MRPL48: variants seen among roughly 807,000 people sequenced by gnomAD.
MRPL48 encodes mitochondrial ribosomal protein L48, also known as large ribosomal subunit protein mL48.
In MRPL48, 16 loss-of-function variants were observed where a neutral mutation model predicts 32.9. That is an observed-to-expected ratio of 0.49 (90% CI 0.33 to 0.74). The LOEUF is 0.74. Among genes scored for constraint, MRPL48 ranks in the 30% least tolerant of loss-of-function variants. The pLI is 0.02. For synonymous variants in MRPL48, 94 were observed against 89.2 expected (o/e 1.05, Z -0.31); for missense variants, 206 against 245.3 (o/e 0.84, Z 1.07).
At chr11:73,863,694 T>A (rs535336915) in intron 7 of MRPL48, among the ~76,000 whole-genome samples, 2 of 152,356 alleles carry the variant, frequency 1.3e-5, no homozygotes, top group African/African-American at 4.8e-5. Context: ...TGCTAGTCAA[T>A]AGAATGTTTG....
intron 4 of MRPL48, among the ~76,000 whole-genome samples, chr11:73,835,140 CTTTT>C (rs35448499): frequency 6.5e-5 from 7 of 108,488 alleles, no homozygotes; most frequent in East Asian, 2.8e-4. Flanking sequence ...GCCATGTTGT[CTTTT>C]TTTTTTTTTT....
chr11:73,816,164 C>A (rs933067127), intron 3 of MRPL48, among the ~76,000 whole-genome samples: 1 of 151,756 alleles, frequency 6.6e-6, no homozygotes, highest in Non-Finnish European at 1.5e-5. Flanking sequence ...CGGGTTCATG[C>A]CATTCTCCTG....
At chr11:73,851,299 A>T (rs1948385304) in intron 5 of MRPL48, 1 of 257,690 alleles carries the variant, frequency 3.9e-6, no homozygotes, top group Admixed American at 4.5e-5. Context: ...GAAAGGCTGA[A>T]AGCACAGAAC....
At chr11:73,850,678 A>ATTTTT in intron 5 of MRPL48, 3 of 185,230 alleles carry the variant, frequency 1.6e-5, no homozygotes, top group African/African-American at 2.6e-5. Flanking sequence ...GGGCTATACA[A>ATTTTT]TTTTTTTTTT....
At chr11:73,797,377 TG>T (rs1002600227) in intron 1 of MRPL48, among the ~76,000 whole-genome samples, 1 of 152,252 alleles carries the variant, frequency 6.6e-6, no homozygotes, top group Non-Finnish European at 1.5e-5. Flanking sequence ...AGGGCTGAGA[TG>T]TGCCCCTTTT....
At chr11:73,852,393 CAA>C (rs10554131) in intron 5 of MRPL48, among the ~76,000 whole-genome samples, 9,157 of 82,824 alleles carry the variant, frequency 0.11, 232 homozygotes, top group African/African-American at 0.17. Context: ...AACTCTATAG[CAA>C]AAAAAAAAAA....
At chr11:73,863,931 G>A (rs1948626587) in intron 7 of MRPL48, among the ~76,000 whole-genome samples, 1 of 151,980 alleles carries the variant, frequency 6.6e-6, no homozygotes, top group Non-Finnish European at 1.5e-5. Flanking sequence ...AGCATGTGCT[G>A]GTCATGCTGC....
At chr11:73,791,469 T>C (rs1487963195) in intron 1 of MRPL48, among the ~76,000 whole-genome samples, 2 of 152,038 alleles carry the variant, frequency 1.3e-5, no homozygotes, top group Admixed American at 6.6e-5. Context: ...CAGGCAGCAG[T>C]GCAGTGGAGT....
At chr11:73,824,961 TCAG>T (rs1947856695) in intron 3 of MRPL48, among the ~76,000 whole-genome samples, 1 of 152,074 alleles carries the variant, frequency 6.6e-6, no homozygotes, top group East Asian at 1.9e-4. Context: ...CAACAAGAGG[TCAG>T]CTACCACCAA....
intron 5 of MRPL48, among the ~76,000 whole-genome samples, chr11:73,847,888 C>A (rs1345005680): frequency 6.6e-6 from 1 of 152,116 alleles, no homozygotes; most frequent in Non-Finnish European, 1.5e-5. Context: ...CCACCAGTTC[C>A]TTTGCAGATA....
intron 5 of MRPL48, among the ~76,000 whole-genome samples, chr11:73,854,473 G>A (rs957917190): frequency 2.0e-5 from 3 of 152,122 alleles, no homozygotes; most frequent in African/African-American, 7.2e-5. Context: ...TTTTAGTACA[G>A]ATGGGGTTTC....
Position 73,787,938 on chromosome 11 carries a change from G to C in MRPL48, c.-34G>C. ...ACGCGGCTGCAGGGTCCGGTCTTCG[G>C]TTTGCACAGCTAGAGGCCGCGCAGC... is the stretch of plus-strand genomic sequence containing the variant. On this transcript the variant is annotated 5_prime_UTR_variant, in exon 1 of 8. Coordinates refer to ENST00000310614, the MANE Select transcript of MRPL48 (RefSeq NM_016055.6). 4 of 1,610,310 alleles carry C rather than the reference G, an allele frequency of 2.5e-6. No homozygotes were observed. The highest frequency in any genetic ancestry group is 3.4e-6 in the Non-Finnish European group (4 of 1,177,868).
intron 5 of MRPL48, among the ~76,000 whole-genome samples, chr11:73,857,285 C>T (rs1203483995): frequency 6.6e-6 from 1 of 152,018 alleles, no homozygotes; most frequent in Non-Finnish European, 1.5e-5. Flanking sequence ...CGCTCACCAC[C>T]ACGCCCAGCT....
At chr11:73,841,050 T>C (rs1455195939) in intron 4 of MRPL48, among the ~76,000 whole-genome samples, 1 of 152,032 alleles carries the variant, frequency 6.6e-6, no homozygotes, top group African/African-American at 2.4e-5. Context: ...TCAATAGATA[T>C]AAAGAAAATG....
intron 3 of MRPL48, among the ~76,000 whole-genome samples, chr11:73,815,897 T>A (rs563384522): frequency 5.0e-4 from 75 of 151,332 alleles, no homozygotes; most frequent in South Asian, 1.0e-3. Flanking sequence ...CTTTTATTTT[T>A]TTTTTTTTTA....
At chr11:73,804,795 T>G (rs1205904155) in intron 1 of MRPL48, among the ~76,000 whole-genome samples, 2 of 152,060 alleles carry the variant, frequency 1.3e-5, no homozygotes, top group Non-Finnish European at 2.9e-5. Flanking sequence ...GAAAAAGCAG[T>G]GTGGGAGGGG....
At chr11:73,810,554 TC>T (rs1947547320) in intron 3 of MRPL48, among the ~76,000 whole-genome samples, 6 of 107,682 alleles carry the variant, frequency 5.6e-5, no homozygotes, top group Admixed American at 4.2e-4. Flanking sequence ...ATGTTTTCTT[TC>T]TTTATTTTTT....
intron 4 of MRPL48, 147 bp from the exon 5 acceptor site, chr11:73,844,660 G>A (rs1482899237): frequency 7.3e-6 from 6 of 827,232 alleles, no homozygotes; most frequent in African/African-American, 1.7e-5. Flanking sequence ...TCCTTCCCAG[G>A]AGAACTTCAG....
chr11:73,845,754 A>C (rs1454578635), intron 5 of MRPL48, among the ~76,000 whole-genome samples: 1 of 151,742 alleles, frequency 6.6e-6, no homozygotes, highest in Non-Finnish European at 1.5e-5. Context: ...TGAGTGACGG[A>C]GTGAGACGCT....
Sources: allele counts gnomAD v4.1 joint callset (sites outside exome capture counted in the v4.1 genomes callset), GRCh38; gene constraint gnomAD v4.1.1; transcripts MANE v1.5; gene names NCBI Gene and HGNC (gene_info 2026-07-23, HGNC 2026-07-21).